BACE2: variants seen among roughly 807,000 people sequenced by gnomAD.
The protein encoded by BACE2 is 56 kDa aspartic-like protease.
BACE2 carries 17 observed loss-of-function variants against 46.2 expected under a neutral mutation model. That is an observed-to-expected ratio of 0.37 (90% CI 0.25 to 0.55). The LOEUF (loss-of-function observed/expected upper bound fraction) is 0.55. Ranked by LOEUF, BACE2 falls within the 20% of genes least tolerant of loss-of-function variation. The pLI is 0.82. For synonymous variants in BACE2, 277 were observed against 295.9 expected (o/e 0.94, Z 0.66); for missense variants, 595 against 698.1 (o/e 0.85, Z 1.66).
At chr21:41,175,005 G>A (rs61143367) in intron 1 of BACE2, among the ~76,000 whole-genome samples, 7,138 of 152,054 alleles carry the variant, frequency 0.047, 563 homozygotes, top group African/African-American at 0.16. Context: ...ACCTCTTCTG[G>A]GTGACTTTCC....
chr21:41,168,923 G>C (rs892744983), intron 1 of BACE2, among the ~76,000 whole-genome samples: 1 of 152,050 alleles, frequency 6.6e-6, no homozygotes, highest in Non-Finnish European at 1.5e-5. Context: ...AGCGGGAGAC[G>C]GAGCGGTGGG....
chr21:41,270,999 A>T (rs1345308040), intron 8 of BACE2, among the ~76,000 whole-genome samples: 1 of 152,232 alleles, frequency 6.6e-6, no homozygotes, highest in South Asian at 2.1e-4. Context: ...AGGTAAAAAA[A>T]CATTAGGATT....
intron 1 of BACE2, among the ~76,000 whole-genome samples, chr21:41,215,111 G>A (rs1986419955): frequency 6.6e-6 from 1 of 152,168 alleles, no homozygotes; most frequent in Non-Finnish European, 1.5e-5. Context: ...AGCTTGGCCG[G>A]CCATGGAGAG....
At chr21:41,270,275 G>C (rs898043307) in intron 8 of BACE2, among the ~76,000 whole-genome samples, 1 of 152,096 alleles carries the variant, frequency 6.6e-6, no homozygotes, top group African/African-American at 2.4e-5. Flanking sequence ...TTTTTGCCAA[G>C]TCTTTTTAGT....
chr21:41,243,727 T>A (rs78770161), intron 5 of BACE2, among the ~76,000 whole-genome samples: 4,179 of 152,248 alleles, frequency 0.027, 197 homozygotes, highest in African/African-American at 0.094. Flanking sequence ...ACCACTTATC[T>A]TCATAGGGCA....
chr21:41,210,581 G>A (rs562129669), intron 1 of BACE2, among the ~76,000 whole-genome samples: 37 of 152,150 alleles, frequency 2.4e-4, no homozygotes, highest in African/African-American at 7.2e-4. Flanking sequence ...CAGCTCATCC[G>A]CCCACAGACG....
At chr21:41,226,039 A>G (rs1221052256) in intron 1 of BACE2, among the ~76,000 whole-genome samples, 2 of 152,238 alleles carry the variant, frequency 1.3e-5, no homozygotes, top group East Asian at 1.9e-4. Flanking sequence ...CTCAGTGTGT[A>G]TCTGAGACAG....
Position 41,237,661 on chromosome 21 carries a change from G to A in BACE2, c.550G>A (p.Glu184Lys). Residue 184 changes from glutamate to lysine, a missense_variant, in exon 3 of 9, where the codon GAG becomes AAG. Transcript: ENST00000330333. ...CAACATTGCCACTATTTTTGAATCA[G>A]AGAATTTCTTTTTGCCTGGGATTAA... ...LVNIATIFES[E>K]NFFLPGIKWN... 1 of 1,614,156 alleles carries A rather than the reference G, an allele frequency of 6.2e-7. No individual in the cohort carries two copies. The highest frequency in any genetic ancestry group is 8.5e-7 in the Non-Finnish European group (1 of 1,180,028).
chr21:41,249,341 A>T (rs1987571074), intron 6 of BACE2, among the ~76,000 whole-genome samples: 1 of 148,932 alleles, frequency 6.7e-6, no homozygotes, highest in Non-Finnish European at 1.5e-5. Context: ...CCACATGTAC[A>T]CTTGGCCTCA....
At chr21:41,259,522 T>C (rs1369724431) in intron 8 of BACE2, among the ~76,000 whole-genome samples, 3 of 152,084 alleles carry the variant, frequency 2.0e-5, no homozygotes, top group Non-Finnish European at 2.9e-5. Context: ...AATCATATAC[T>C]ATGTGTGCAT....
chr21:41,193,603 A>T lies in BACE2; in HGVS notation c.312+25028A>T, dbSNP rs1470257363. Among the ~76,000 whole-genome samples, 1 of 152,174 alleles carries T rather than the reference A, an allele frequency of 6.6e-6. No homozygotes were observed. Among genetic ancestry groups the T allele is most frequent in the South Asian group, 2.1e-4 (1 of 4,828 alleles). ...GGTAGAGGCAGCTCTAATGGCTTCC[A>T]TTTGGCCTTTCTCACCATAATAGTC... On this transcript the variant is annotated intron_variant, in intron 1 of 8. Coordinates refer to ENST00000330333, the MANE Select transcript of BACE2 (RefSeq NM_012105.5). The surrounding 1 kb of genome is among the most constrained non-coding windows in gnomAD (Gnocchi z 4.2).
intron 1 of BACE2, among the ~76,000 whole-genome samples, chr21:41,171,138 C>A (rs1444647070): frequency 6.6e-6 from 1 of 152,252 alleles, no homozygotes; most frequent in Admixed American, 6.5e-5. Flanking sequence ...AGCCAGAGAA[C>A]CCTGAACGTA....
At chr21:41,235,182 C>G (rs938243319) in intron 2 of BACE2, among the ~76,000 whole-genome samples, 1 of 152,204 alleles carries the variant, frequency 6.6e-6, no homozygotes, top group Admixed American at 6.5e-5. Flanking sequence ...CCCCAGCTGG[C>G]CACTGTTAAT....
intron 1 of BACE2, among the ~76,000 whole-genome samples, chr21:41,208,277 G>A (rs906815791): frequency 9.8e-5 from 15 of 152,362 alleles, no homozygotes; most frequent in African/African-American, 3.6e-4. Flanking sequence ...CCACCAGAGG[G>A]GAATGTGGGC....
intron 6 of BACE2, among the ~76,000 whole-genome samples, chr21:41,246,542 C>G (rs1444402020): frequency 6.6e-6 from 1 of 152,150 alleles, no homozygotes; most frequent in Non-Finnish European, 1.5e-5. Context: ...GCTTTCATCC[C>G]TGCACTGGTA....
intron 8 of BACE2, among the ~76,000 whole-genome samples, chr21:41,267,670 T>C (rs1360218736): frequency 1.3e-5 from 2 of 152,176 alleles, no homozygotes; most frequent in East Asian, 3.8e-4. Context: ...CTACTTAGAC[T>C]ACAATCAAAA....
chr21:41,168,572 G>A lies in BACE2; in HGVS notation c.309G>A (p.Gln103=). ...YLEMLIGTPP[Q]KLQILVDTGS... ...AGATGCTGATCGGGACCCCCCCGCAGAAGGTAGGGACCCCCGGCTGCTGCC... is the reference window on the plus strand; with the variant it reads ...AGATGCTGATCGGGACCCCCCCGCAAAAGGTAGGGACCCCCGGCTGCTGCC... Residue 103 remains glutamine, a synonymous_variant, in exon 1 of 9, where the codon CAG becomes CAA. Coordinates refer to ENST00000330333, the MANE Select transcript of BACE2 (RefSeq NM_012105.5). 1 of 1,324,152 alleles carries A rather than the reference G, an allele frequency of 7.6e-7. No individual in the cohort carries two copies. Among genetic ancestry groups the A allele is most frequent in the Non-Finnish European group, 9.7e-7 (1 of 1,029,412 alleles). The allele number at this position is 1,324,152 out of a possible 1,614,324, so 82.0% of individuals were successfully genotyped here. A position where few individuals can be genotyped will look rare whatever the true frequency, so the allele number is the denominator to read the frequency against.
intron 8 of BACE2, among the ~76,000 whole-genome samples, chr21:41,269,897 A>T (rs2088417685): frequency 6.6e-6 from 1 of 152,258 alleles, no homozygotes; most frequent in Non-Finnish European, 1.5e-5. Flanking sequence ...TGTATGTTTT[A>T]CTACTTAAAA....
intron 1 of BACE2, among the ~76,000 whole-genome samples, chr21:41,196,522 A>G (rs1028246726): frequency 6.6e-6 from 1 of 152,198 alleles, no homozygotes; most frequent in Admixed American, 6.5e-5. Context: ...CATGATATAA[A>G]TGATTGAGAA....
Sources: allele counts gnomAD v4.1 joint callset (sites outside exome capture counted in the v4.1 genomes callset), GRCh38; gene constraint gnomAD v4.1.1; non-coding constraint Gnocchi (gnomAD v3.1); transcripts MANE v1.5; gene names NCBI Gene and HGNC (gene_info 2026-07-23, HGNC 2026-07-21).